Variants in FGFR2 observed in about 807,000 individuals in gnomAD.
FGFR2 encodes BEK fibroblast growth factor receptor.
FGFR2 carries 19 observed loss-of-function variants against 95.9 expected under a neutral mutation model. The ratio of observed to expected loss-of-function variants is 0.20; its 90% confidence interval spans 0.14 to 0.29. The LOEUF (loss-of-function observed/expected upper bound fraction) is 0.29. Among genes scored for constraint, FGFR2 ranks in the 10% least tolerant of loss-of-function variants. The probability of loss-of-function intolerance (pLI) is 1.00; values close to 1 mark genes in which losing one functional copy is unlikely to be tolerated. For synonymous variants in FGFR2, 392 were observed against 393.3 expected, an observed-to-expected ratio of 1.00 and a Z score of 0.04; for missense variants, 707 against 1,056.9, an observed-to-expected ratio of 0.67 and a Z score of 4.59.
chr10:121,586,610 A>G (rs2135415090), intron 2 of FGFR2, among the ~76,000 whole-genome samples: 1 of 152,330 alleles, frequency 6.6e-6, no homozygotes, highest in Admixed American at 6.5e-5. Context: ...AAGCTCTTCC[A>G]TGGTACCGGT....
chr10:121,548,603 AATG>A (rs1056575490), intron 5 of FGFR2, among the ~76,000 whole-genome samples: 3 of 152,102 alleles, frequency 2.0e-5, no homozygotes, highest in African/African-American at 7.2e-5. Flanking sequence ...TCCCCATAAT[AATG>A]ATGTCGGTTC....
At position 121,503,385 on chromosome 10, in the gene FGFR2, A is replaced by G. The variant is rs191279701; in HGVS notation, c.1439+405T>C. The stretch of plus-strand genomic sequence containing the variant: ...ACACTGGGTAGCGGTCCTTAAGGCC[A>G]TTTATATTCTGCATCTAATTTCTCC... On this transcript the variant is annotated intron_variant, in intron 10 of 17. Transcript: ENST00000358487. 7.9e-5 allele frequency among the ~76,000 whole-genome samples: 12 copies of G among 152,338 alleles called. No homozygotes were observed. In the East Asian group the frequency reaches 2.3e-3, roughly 29 times the overall value.
chr10:121,508,182 C>A (rs1211760136), intron 9 of FGFR2, among the ~76,000 whole-genome samples: 2 of 152,166 alleles, frequency 1.3e-5, no homozygotes, highest in African/African-American at 2.4e-5. Context: ...ATTGTACTGT[C>A]AAACTGTGTG....
At chr10:121,480,340 C>T in intron 17 of FGFR2, 1 of 447,204 alleles carries the variant, frequency 2.2e-6, no homozygotes, top group Non-Finnish European at 4.2e-6. Context: ...ACAATAAAAC[C>T]TAGTTGAGCT....
chr10:121,480,800 G>T (rs560529232), intron 17 of FGFR2, among the ~76,000 whole-genome samples: 1 of 152,206 alleles, frequency 6.6e-6, no homozygotes, highest in African/African-American at 2.4e-5. Flanking sequence ...CAGTGCTGGT[G>T]CTGCAAAAAG....
At chr10:121,510,853 G>A (rs911055226) in intron 9 of FGFR2, among the ~76,000 whole-genome samples, 2 of 151,110 alleles carry the variant, frequency 1.3e-5, no homozygotes, top group East Asian at 1.9e-4. Context: ...CAAGGCTGGA[G>A]TGCAGTGGCG....
chr10:121,480,161 G>A (rs929562522), intron 17 of FGFR2, 140 bp from the exon 18 acceptor site: 1 of 963,020 alleles, frequency 1.0e-6, no homozygotes. Flanking sequence ...AAACTCTTGA[G>A]ATGTGGGTAT....
intron 1 of FGFR2, 69 bp from the exon 2 acceptor site, chr10:121,594,036 A>G: frequency 1.6e-6 from 1 of 625,912 alleles, no homozygotes; most frequent in South Asian, 1.8e-5. Context: ...CAAGTGGGAT[A>G]AAACCATTTT....
chr10:121,541,100 G>A (rs1853676641), intron 5 of FGFR2, among the ~76,000 whole-genome samples: 2 of 152,116 alleles, frequency 1.3e-5, no homozygotes, highest in South Asian at 4.1e-4. Context: ...TCCTGGAGAT[G>A]CACTACAAAT....
At chr10:121,495,090 C>T (rs1327864609) in intron 13 of FGFR2, among the ~76,000 whole-genome samples, 7 of 152,106 alleles carry the variant, frequency 4.6e-5, no homozygotes, top group African/African-American at 1.7e-4. Context: ...TGTCAAATGT[C>T]CCATGTTCTG....
chr10:121,556,644 TC>T (rs1366559420), intron 4 of FGFR2, among the ~76,000 whole-genome samples: 1 of 152,158 alleles, frequency 6.6e-6, no homozygotes, highest in Non-Finnish European at 1.5e-5. Flanking sequence ...TGAGCAGTGT[TC>T]CTTCAACCAC....
intron 4 of FGFR2, among the ~76,000 whole-genome samples, chr10:121,552,689 G>A (rs41302315): frequency 4.5e-4 from 69 of 152,316 alleles, no homozygotes; most frequent in African/African-American, 1.2e-3. Context: ...CAAGGCACAC[G>A]TCCTCCTTTT....
At chr10:121,511,056 T>G (rs1490232785) in intron 9 of FGFR2, among the ~76,000 whole-genome samples, 8 of 152,010 alleles carry the variant, frequency 5.3e-5, no homozygotes, top group Non-Finnish European at 2.9e-5. Flanking sequence ...CTGCCTGTCT[T>G]GGTCTCCCAA....
intron 13 of FGFR2, among the ~76,000 whole-genome samples, chr10:121,496,213 A>T (rs1162492178): frequency 6.6e-6 from 1 of 152,050 alleles, no homozygotes; most frequent in African/African-American, 2.4e-5. Context: ...AAAGAAAATC[A>T]TCCGAATTAA....
chr10:121,488,134 A>G (rs1391607890), intron 13 of FGFR2, 21 bp from the exon 14 acceptor site: 2 of 1,612,272 alleles, frequency 1.2e-6, no homozygotes, highest in Non-Finnish European at 1.7e-6. Context: ...GAAAGAAGCA[A>G]GAGAAATAAC....
intron 4 of FGFR2, among the ~76,000 whole-genome samples, chr10:121,556,127 TGGACGGAC>T (rs1325014679): frequency 6.7e-6 from 1 of 150,286 alleles, no homozygotes. Flanking sequence ...GATGGATGGA[TGGACGGAC>T]GGATGGATGG....
At position 121,518,673 on chromosome 10, in the gene FGFR2, C is replaced by A. The variant is rs1262017445; in HGVS notation, c.940-1210G>T. ...TTTTAAAAAAAGACAAAAATGAAAG[C>A]ATTGTTACCTTGCTGTTTTGGCAGG... is the stretch of plus-strand genomic sequence containing the variant. On this transcript the variant is annotated intron_variant, in intron 7 of 17. Transcript: ENST00000358487. The surrounding 1 kb of genome is among the most constrained non-coding windows in gnomAD (Gnocchi z 4.0). 8 of 1,614,046 alleles carry A rather than the reference C, an allele frequency of 5.0e-6. No individual in the cohort carries two copies. In the Admixed American group the frequency reaches 1.3e-4, roughly 27 times the overall value.
At chr10:121,480,362 G>C (rs1844516892) in intron 17 of FGFR2, 1 of 427,478 alleles carries the variant, frequency 2.3e-6, no homozygotes, top group African/African-American at 2.0e-5. Flanking sequence ...TAGGTGCTGG[G>C]CAGGCAACTC....
At chr10:121,548,388 C>T (rs1409060144) in intron 5 of FGFR2, among the ~76,000 whole-genome samples, 1 of 151,074 alleles carries the variant, frequency 6.6e-6, no homozygotes, top group Non-Finnish European at 1.5e-5. Flanking sequence ...TGGTCATCTG[C>T]ACTCCACAGG....
Sources: allele counts gnomAD v4.1 joint callset (sites outside exome capture counted in the v4.1 genomes callset), GRCh38; gene constraint gnomAD v4.1.1; non-coding constraint Gnocchi (gnomAD v3.1); transcripts MANE v1.5; gene names NCBI Gene and HGNC (gene_info 2026-07-23, HGNC 2026-07-21).